The following UQCC6 variants were observed in gnomAD, a reference collection of about 807,000 sequenced individuals.
UQCC6 encodes protein BRAWNIN.
the UQCC6 span, among the ~76,000 whole-genome samples, chr12:103,964,553 G>A: frequency 0.14 from 20,965 of 152,158 alleles, 1,595 homozygotes; most frequent in Admixed American, 0.2. Context: ...GTAATTCCCC[G>A]AGTGCAGACA....
At chr12:103,958,990 C>A in the UQCC6 span, among the ~76,000 whole-genome samples, 2 of 152,188 alleles carry the variant, frequency 1.3e-5, no homozygotes, top group South Asian at 4.1e-4. Context: ...GAGTATTACA[C>A]CCTCTGTAAA....
chr12:103,964,929 A>C, the UQCC6 span, among the ~76,000 whole-genome samples: 1 of 152,240 alleles, frequency 6.6e-6, no homozygotes, highest in African/African-American at 2.4e-5. Flanking sequence ...CCTGGATCCT[A>C]GAATGAAGAA....
chr12:103,964,370 G>A, the UQCC6 span, among the ~76,000 whole-genome samples: 1 of 151,886 alleles, frequency 6.6e-6, no homozygotes, highest in African/African-American at 2.4e-5. Flanking sequence ...CACCCGCCTC[G>A]GCCTCCCAAA....
At chr12:103,958,772 T>C in the UQCC6 span, among the ~76,000 whole-genome samples, 1 of 152,208 alleles carries the variant, frequency 6.6e-6, no homozygotes, top group Admixed American at 6.5e-5. Flanking sequence ...AAAAAAACAC[T>C]GTAAGCCTTG....
the UQCC6 span, chr12:103,955,711 C>CA: frequency 1.1e-5 from 5 of 455,082 alleles, no homozygotes; most frequent in Non-Finnish European, 2.2e-5. Flanking sequence ...GTTACCTGTC[C>CA]AGGCAGAGTC....
the UQCC6 span, among the ~76,000 whole-genome samples, chr12:103,960,234 C>G: frequency 6.6e-6 from 1 of 152,016 alleles, no homozygotes. Flanking sequence ...CCACGCCTGG[C>G]TAATTTGTAT....
At chr12:103,959,998 T>C in the UQCC6 span, among the ~76,000 whole-genome samples, 4 of 151,584 alleles carry the variant, frequency 2.6e-5, no homozygotes, top group African/African-American at 9.7e-5. Flanking sequence ...TGGTCACAAA[T>C]TCCTGACCAC....
At chr12:103,964,219 C>T in the UQCC6 span, among the ~76,000 whole-genome samples, 4 of 137,126 alleles carry the variant, frequency 2.9e-5, no homozygotes, top group African/African-American at 1.1e-4. Flanking sequence ...GTGGTTCGAT[C>T]TCAGCTCACT....
At chr12:103,959,717 AT>A in the UQCC6 span, among the ~76,000 whole-genome samples, 52 of 152,172 alleles carry the variant, frequency 3.4e-4, no homozygotes, top group South Asian at 3.7e-3. Flanking sequence ...GTCTCAAAAA[AT>A]AATAATAATA....
chr12:103,961,072 T>A, the UQCC6 span, among the ~76,000 whole-genome samples: 1 of 152,138 alleles, frequency 6.6e-6, no homozygotes. Flanking sequence ...CTTGAAGACC[T>A]TCCAGGATGT....
chr12:103,953,434 A>G, the UQCC6 span: 1 of 702,312 alleles, frequency 1.4e-6, no homozygotes, highest in Non-Finnish European at 2.6e-6. Context: ...TCTCCCCAAC[A>G]CAGCACTGAG....
the UQCC6 span, chr12:103,955,069 C>T: frequency 1.6e-6 from 1 of 636,820 alleles, no homozygotes; most frequent in Non-Finnish European, 2.9e-6. Flanking sequence ...AACCCCAGCA[C>T]TTTGGGAGGC....
At chr12:103,957,071 C>G in the UQCC6 span, 2 of 348,382 alleles carry the variant, frequency 5.7e-6, no homozygotes, top group South Asian at 6.4e-5. Context: ...CCTTCTACCT[C>G]TTGGAGGAGA....
the UQCC6 span, chr12:103,956,607 A>G: frequency 6.8e-7 from 1 of 1,474,146 alleles, no homozygotes; most frequent in South Asian, 1.2e-5. Flanking sequence ...CTCAAAAATA[A>G]AATAGTAGCC....
At chr12:103,964,195 C>T in the UQCC6 span, among the ~76,000 whole-genome samples, 1 of 122,480 alleles carries the variant, frequency 8.2e-6, no homozygotes, top group Admixed American at 1.1e-4. Context: ...CTCTGTAGCC[C>T]AGGCTGGAGG....
chr12:103,962,056 C>A, the UQCC6 span, among the ~76,000 whole-genome samples: 1 of 152,140 alleles, frequency 6.6e-6, no homozygotes, highest in Non-Finnish European at 1.5e-5. Flanking sequence ...AACATTGTCA[C>A]AATGAAAAAA....
At chr12:103,953,029 C>G in the UQCC6 span, among the ~76,000 whole-genome samples, 3 of 152,286 alleles carry the variant, frequency 2.0e-5, no homozygotes, top group South Asian at 2.1e-4. Flanking sequence ...GAGATAAAGT[C>G]TCCAGTGTTT....
At chr12:103,956,222 G>C in the UQCC6 span, 1 of 167,260 alleles carries the variant, frequency 6.0e-6, no homozygotes, top group South Asian at 1.4e-4. Flanking sequence ...CCAAGTTGTT[G>C]GGGGGGTGGT....
the UQCC6 span, chr12:103,951,320 A>G: frequency 2.3e-6 from 1 of 430,498 alleles, no homozygotes; most frequent in Admixed American, 4.0e-5. Flanking sequence ...TATTCATGAA[A>G]TGGTTTGATG....
Sources: gnomAD v4.1 joint callset for allele counts (sites outside exome capture counted in the v4.1 genomes callset) on GRCh38, gnomAD v4.1.1 for gene constraint, MANE v1.5 for transcripts, NCBI Gene and HGNC (gene_info 2026-07-23, HGNC 2026-07-21) for gene names.